Variants in CALN1 observed in about 807,000 individuals in gnomAD.
CALN1 encodes calneuron 1.
CALN1 carries 17 observed loss-of-function variants against 30.6 expected under a neutral mutation model. The ratio of observed to expected loss-of-function variants is 0.56; its 90% CI spans 0.38 to 0.83. CALN1 has a LOEUF of 0.83. CALN1 is among the 40% of genes least tolerant of loss of function. The pLI is 0.00. For synonymous variants in CALN1, 156 were observed against 131.4 expected (o/e 1.19, Z -1.28); for missense variants, 291 against 354.9 (o/e 0.82, Z 1.45).
intron 2 of CALN1, among the ~76,000 whole-genome samples, chr7:72,363,357 G>C (rs899408019): frequency 3.3e-5 from 5 of 152,138 alleles, no homozygotes; most frequent in East Asian, 2.0e-4. Flanking sequence ...TCCGGCCTCA[G>C]CCTCCCAAGT....
intron 3 of CALN1, among the ~76,000 whole-genome samples, chr7:72,219,479 C>T (rs1478762553): frequency 2.6e-5 from 4 of 152,066 alleles, no homozygotes; most frequent in African/African-American, 7.2e-5. Flanking sequence ...ATCCTCCTGC[C>T]CCAGCCTCTC....
chr7:72,360,284 G>A (rs1228343463), intron 2 of CALN1, among the ~76,000 whole-genome samples: 2 of 152,278 alleles, frequency 1.3e-5, no homozygotes, highest in East Asian at 1.9e-4. Context: ...TAATGGTGAA[G>A]TCTGTTGTGA....
At chr7:71,949,754 T>C (rs892378794) in intron 5 of CALN1, among the ~76,000 whole-genome samples, 1 of 151,592 alleles carries the variant, frequency 6.6e-6, no homozygotes, top group Non-Finnish European at 1.5e-5. Flanking sequence ...GCTCCCAACC[T>C]GTGGAGTGTA....
chr7:72,163,996 G>A (rs1021199320), intron 3 of CALN1, among the ~76,000 whole-genome samples: 1 of 152,000 alleles, frequency 6.6e-6, no homozygotes, highest in Non-Finnish European at 1.5e-5. Context: ...CAAGAAAGAA[G>A]AAACCTATAC....
In CALN1 at chr7:72,336,671, C is replaced by T. The variant is rs528224571; in HGVS notation, c.120-57861G>A. 396 of 984,336 alleles carry T rather than the reference C, an allele frequency of 4.0e-4. 3 individuals are homozygous for T. The African/African-American group carries it at 6.4e-3, about 16-fold the overall frequency. 61.0% of individuals were successfully genotyped at this position (984,336 alleles called of 1,614,324 possible). ...GGAAGAAGAAAAGAGAGCGCGCGCG[C>T]GGGTAAGCTAGGGAGCCGGCGGCGG... On this transcript the variant is annotated intron_variant, in intron 2 of 6. Transcript: ENST00000395275.
chr7:72,357,746 A>T (rs1447972827), intron 2 of CALN1, among the ~76,000 whole-genome samples: 1 of 151,268 alleles, frequency 6.6e-6, no homozygotes. Context: ...GGCAGAGGTA[A>T]AAAGAAATAA....
the CALN1 span, among the ~76,000 whole-genome samples, chr7:72,478,798 G>A: frequency 3.3e-5 from 5 of 151,394 alleles, no homozygotes; most frequent in South Asian, 4.2e-4. Flanking sequence ...ATTATAGGGC[G>A]TATACTGTAG....
chr7:71,922,681 A>G (rs1203981452), intron 5 of CALN1, among the ~76,000 whole-genome samples: 1 of 138,798 alleles, frequency 7.2e-6, no homozygotes, highest in Admixed American at 7.7e-5. Flanking sequence ...AGAATATATT[A>G]TATATAAATA....
rs1337017379 is a variant in CALN1, at chr7:72,125,800, T to TC, written c.245-19507_245-19506insG. On this transcript the variant is annotated intron_variant, in intron 3 of 6. Transcript: ENST00000395275. ...AAGTCCCAAGTCCACTGTATCATTC[T>TC]TTTTTTTTTTTTTTTTTTTGAGACG... is the stretch of plus-strand genomic sequence containing the variant. Among the ~76,000 whole-genome samples, 190 of 26,724 alleles carry TC rather than the reference T, an allele frequency of 7.1e-3. 1 individual carries two copies. Among genetic ancestry groups the TC allele is most frequent in the African/African-American group, 0.039 (186 of 4,784 alleles). 17.5% of individuals were successfully genotyped at this position (26,724 alleles called of 152,430 possible). A position where few individuals can be genotyped will look rare whatever the true frequency, so the allele number is the denominator to read the frequency against.
chr7:72,370,551 G>A (rs1215748044), intron 2 of CALN1, among the ~76,000 whole-genome samples: 1 of 152,072 alleles, frequency 6.6e-6, no homozygotes, highest in African/African-American at 2.4e-5. Flanking sequence ...CTACTTGGGA[G>A]GCAGAGGCAG....
chr7:72,443,929 C>A (rs1179762020), intron 1 of CALN1, among the ~76,000 whole-genome samples: 1 of 133,072 alleles, frequency 7.5e-6, no homozygotes, highest in African/African-American at 2.8e-5. Flanking sequence ...CTGCAAACTC[C>A]GGGAGGTGGA....
chr7:71,804,787 C>A (rs1245490888), intron 6 of CALN1, among the ~76,000 whole-genome samples: 2 of 152,128 alleles, frequency 1.3e-5, no homozygotes, highest in Non-Finnish European at 2.9e-5. Flanking sequence ...CATGGCAAAA[C>A]CCTGTCTCTA....
rs34940935 is a variant in CALN1, at chr7:72,301,610, C to CAAAA, written c.120-22804_120-22801dup. On this transcript the variant is annotated intron_variant, in intron 2 of 6. Coordinates refer to ENST00000395275, the MANE Select transcript of CALN1 (RefSeq NM_031468.4). Reference sequence around the variant, plus strand: ...GCGACAGAGCAAAGACTTTGTCTCTCAAAAAAAAAAAAAAAAAAAGCAAGC... The same window carrying CAAAA: ...GCGACAGAGCAAAGACTTTGTCTCTCAAAAAAAAAAAAAAAAAAAAAAAGCAAGC... 8.8e-4 allele frequency among the ~76,000 whole-genome samples: 91 copies of CAAAA among 103,972 alleles called. 1 individual carries two copies. Among genetic ancestry groups the CAAAA allele is most frequent in the Middle Eastern group, 6.0e-3 (1 of 168 alleles). 68.2% of individuals were successfully genotyped at this position (103,972 alleles called of 152,430 possible).
At chr7:72,471,450 G>C in the CALN1 span, among the ~76,000 whole-genome samples, 1 of 152,168 alleles carries the variant, frequency 6.6e-6, no homozygotes, top group Non-Finnish European at 1.5e-5. Context: ...ACCTCCCCTG[G>C]GGGAACACAC....
intron 6 of CALN1, among the ~76,000 whole-genome samples, chr7:71,788,650 G>A (rs528038947): frequency 4.0e-5 from 6 of 150,264 alleles, no homozygotes; most frequent in African/African-American, 4.9e-5. Flanking sequence ...GTGTGCCACC[G>A]TGCCTAATTA....
chr7:71,802,089 AC>A (rs1787346105), intron 6 of CALN1, among the ~76,000 whole-genome samples: 1 of 152,046 alleles, frequency 6.6e-6, no homozygotes, highest in South Asian at 2.1e-4. Flanking sequence ...GTTCTCTTCC[AC>A]CCTCTTCCTT....
At chr7:72,066,649 G>A (rs1233589089) in intron 4 of CALN1, among the ~76,000 whole-genome samples, 1 of 152,052 alleles carries the variant, frequency 6.6e-6, no homozygotes, top group Non-Finnish European at 1.5e-5. Context: ...GTCTCTTTCT[G>A]TCAATCAGGC....
intron 5 of CALN1, among the ~76,000 whole-genome samples, chr7:71,870,062 C>T (rs1791831573): frequency 6.6e-6 from 1 of 152,188 alleles, no homozygotes; most frequent in African/African-American, 2.4e-5. Flanking sequence ...ATGGGCTTTA[C>T]CTGCACCTAT....
intron 5 of CALN1, among the ~76,000 whole-genome samples, chr7:71,919,458 G>A (rs934580237): frequency 3.9e-5 from 6 of 152,244 alleles, no homozygotes; most frequent in African/African-American, 1.2e-4. Flanking sequence ...TAGTCATTGT[G>A]TTAGGTGGTA....
Sources: allele counts gnomAD v4.1 joint callset (sites outside exome capture counted in the v4.1 genomes callset), GRCh38; gene constraint gnomAD v4.1.1; transcripts MANE v1.5; gene names NCBI Gene and HGNC (gene_info 2026-07-23, HGNC 2026-07-21).